The following PRDM16 variants were observed in gnomAD, a reference collection of about 807,000 sequenced individuals.
PRDM16 encodes the protein PR/SET domain 16, also known as histone-lysine N-methyltransferase PRDM16.
Under a neutral mutation model 110.6 loss-of-function variants are expected in PRDM16, and 23 were observed. The ratio of observed to expected loss-of-function variants is 0.21; its 90% CI spans 0.15 to 0.29. The LOEUF (loss-of-function observed/expected upper bound fraction) is 0.29. PRDM16 is among the 10% of genes least tolerant of loss of function. PRDM16 has a pLI of 1.00. For synonymous variants in PRDM16, 799 were observed against 781.8 expected (o/e 1.02, Z -0.37); for missense variants, 1,615 against 1,794.3 (o/e 0.90, Z 1.81).
At chr1:3,218,145 A>G (rs1458439493) in intron 2 of PRDM16, among the ~76,000 whole-genome samples, 1 of 152,210 alleles carries the variant, frequency 6.6e-6, no homozygotes, top group East Asian at 1.9e-4. Context: ...GGGCCTCTGC[A>G]GCCTGGCGTG....
At chr1:3,377,513 G>A (rs958872489) in intron 3 of PRDM16, among the ~76,000 whole-genome samples, 5 of 152,174 alleles carry the variant, frequency 3.3e-5, no homozygotes, top group African/African-American at 1.2e-4. Flanking sequence ...ACTTCACTTG[G>A]TAACTCAGCA....
chr1:3,417,722 C>T (rs1359680263), intron 10 of PRDM16, 106 bp from the exon 11 acceptor site: 2 of 983,844 alleles, frequency 2.0e-6, no homozygotes, highest in Non-Finnish European at 3.2e-6. Context: ...CAGTGCCCAC[C>T]TGAGCACCCT....
At chr1:3,166,786 T>C (rs1167123542) in intron 1 of PRDM16, among the ~76,000 whole-genome samples, 3 of 152,190 alleles carry the variant, frequency 2.0e-5, no homozygotes, top group African/African-American at 4.8e-5. Flanking sequence ...TTTGCCTCTC[T>C]GAGTGGCCCC....
At chr1:3,231,211 C>T (rs991884819) in intron 2 of PRDM16, among the ~76,000 whole-genome samples, 1 of 152,226 alleles carries the variant, frequency 6.6e-6, no homozygotes, top group Non-Finnish European at 1.5e-5. Flanking sequence ...AGCCGCCCAT[C>T]CTGCCATCAC....
chr1:3,308,658 A>G (rs1441103663), intron 3 of PRDM16: 1 of 152,186 alleles, frequency 6.6e-6, no homozygotes, highest in African/African-American at 2.4e-5. Flanking sequence ...CCGGCTTGCA[A>G]GCCTCCAGCC....
At chr1:3,158,085 A>T (rs1643871796) in intron 1 of PRDM16, among the ~76,000 whole-genome samples, 1 of 152,246 alleles carries the variant, frequency 6.6e-6, no homozygotes, top group Admixed American at 6.5e-5. Flanking sequence ...TCATATAGAT[A>T]GACACACATA....
intron 3 of PRDM16, among the ~76,000 whole-genome samples, chr1:3,342,286 G>T (rs914691954): frequency 3.3e-5 from 5 of 152,242 alleles, no homozygotes; most frequent in Non-Finnish European, 5.9e-5. Context: ...CAAGTTATTT[G>T]TGGAAAGTTC....
intron 2 of PRDM16, among the ~76,000 whole-genome samples, chr1:3,224,603 G>A (rs10909902): frequency 0.097 from 14,803 of 152,270 alleles, 986 homozygotes; most frequent in African/African-American, 0.18. Flanking sequence ...AAGAGAAAAC[G>A]TGCTCCGGTC....
intron 1 of PRDM16, among the ~76,000 whole-genome samples, chr1:3,075,854 G>A (rs933262942): frequency 3.9e-5 from 6 of 152,180 alleles, no homozygotes; most frequent in African/African-American, 1.2e-4. Context: ...TGGGTGCGGC[G>A]ACAGGCTCAT....
At position 3,213,464 on chromosome 1, in the gene PRDM16, C is replaced by T. The variant is rs1262481103; in HGVS notation, c.387+26990C>T. ...GTAATTTTCCACTTAGGCTTGTCACCAATCGGGCAGTCACCCCAGCTGTGC... is the reference window on the plus strand; with the variant it reads ...GTAATTTTCCACTTAGGCTTGTCACTAATCGGGCAGTCACCCCAGCTGTGC... On this transcript the variant is annotated intron_variant, in intron 2 of 16. Transcript: ENST00000270722. This position sits in a 1 kb window ranked among gnomAD's most constrained non-coding sequence, Gnocchi z 5.3. Among the ~76,000 whole-genome samples the T allele has an allele frequency of 1.3e-5, 2 of 152,176 alleles. No individual in the cohort carries two copies. Among genetic ancestry groups the T allele is most frequent in the African/African-American group, 4.8e-5 (2 of 41,450 alleles).
At chr1:3,301,064 C>T (rs1180877074) in intron 3 of PRDM16, among the ~76,000 whole-genome samples, 6 of 152,170 alleles carry the variant, frequency 3.9e-5, no homozygotes, top group Non-Finnish European at 5.9e-5. Flanking sequence ...GGCACAGTGG[C>T]TCATACCTGT....
chr1:3,070,055 C>T (rs755515533), intron 1 of PRDM16, among the ~76,000 whole-genome samples: 7 of 152,138 alleles, frequency 4.6e-5, no homozygotes, highest in African/African-American at 1.7e-4. Flanking sequence ...GCCGCCGGGG[C>T]GACAGTGCCT....
intron 1 of PRDM16, among the ~76,000 whole-genome samples, chr1:3,181,664 A>ACACGGTCTTACACGCG (rs138034258): frequency 2.6e-5 from 3 of 113,882 alleles, no homozygotes; most frequent in Admixed American, 2.6e-4. Flanking sequence ...ACGGTCTTAC[A>ACACGGTCTTACACGCG]CAGTCTTACA....
chr1:3,150,889 G>A (rs1643762183), intron 1 of PRDM16, among the ~76,000 whole-genome samples: 1 of 137,462 alleles, frequency 7.3e-6, no homozygotes, highest in South Asian at 2.5e-4. Flanking sequence ...TGGTCCTAGA[G>A]CTATGGAAAC....
chr1:3,124,681 G>A (rs931828367), intron 1 of PRDM16, among the ~76,000 whole-genome samples: 1 of 152,220 alleles, frequency 6.6e-6, no homozygotes, highest in African/African-American at 2.4e-5. Context: ...AGGGCCGGGG[G>A]TCAGGTGTAT....
At chr1:3,284,809 C>T (rs960901600) in intron 3 of PRDM16, among the ~76,000 whole-genome samples, 6 of 152,312 alleles carry the variant, frequency 3.9e-5, no homozygotes, top group Admixed American at 6.5e-5. Flanking sequence ...GGAAACCCAG[C>T]GTGGTCCCGC....
chr1:3,282,792 G>A (rs533363092), intron 3 of PRDM16, among the ~76,000 whole-genome samples: 3 of 152,308 alleles, frequency 2.0e-5, no homozygotes, highest in South Asian at 2.1e-4. Flanking sequence ...CCTGGCGAAC[G>A]TGGGACACAG....
At chr1:3,113,486 G>C (rs1329299470) in intron 1 of PRDM16, among the ~76,000 whole-genome samples, 2 of 148,286 alleles carry the variant, frequency 1.3e-5, no homozygotes, top group African/African-American at 5.2e-5. Context: ...TCGGAGGAAG[G>C]AGGGAGGGAG....
At chr1:3,187,559 T>C (rs1323210623) in intron 2 of PRDM16, among the ~76,000 whole-genome samples, 1 of 152,202 alleles carries the variant, frequency 6.6e-6, no homozygotes, top group Non-Finnish European at 1.5e-5. Context: ...GGGAGGTTCC[T>C]GTGGCCTCCA....
Sources: gnomAD v4.1 joint callset for allele counts (sites outside exome capture counted in the v4.1 genomes callset) on GRCh38, gnomAD v4.1.1 for gene constraint, Gnocchi (gnomAD v3.1) non-coding constraint, MANE v1.5 for transcripts, NCBI Gene and HGNC (gene_info 2026-07-23, HGNC 2026-07-21) for gene names.